Variants in GABRD observed in about 807,000 individuals in gnomAD.
The protein encoded by GABRD is gamma-aminobutyric acid receptor subunit delta.
Under a neutral mutation model 47.3 loss-of-function variants are expected in GABRD, and 25 were observed. The observed-to-expected ratio is 0.53, with a 90% CI of 0.39 to 0.74. GABRD has a LOEUF of 0.74. GABRD is among the 30% of genes least tolerant of loss of function. The probability of loss-of-function intolerance (pLI) is 0.00; values close to 1 mark genes in which losing one functional copy is unlikely to be tolerated. For missense variants in GABRD, 497 were observed against 643.4 expected (o/e 0.77, Z 2.46); for synonymous variants, 314 against 278.8 (o/e 1.13, Z -1.26).
intron 1 of GABRD, among the ~76,000 whole-genome samples, chr1:2,021,033 C>A (rs1048695990): frequency 1.3e-5 from 2 of 152,192 alleles, no homozygotes; most frequent in Non-Finnish European, 2.9e-5. Context: ...GGATTCTGTG[C>A]CTGTTTCCTT....
intron 4 of GABRD, 145 bp downstream of exon 4, chr1:2,025,883 C>A (rs563519166): frequency 4.3e-4 from 286 of 665,028 alleles, no homozygotes; most frequent in Non-Finnish European, 9.7e-5. Context: ...AGAAGCTGCG[C>A]GGTTATTTAT....
intron 2 of GABRD, 43 bp downstream of exon 2, chr1:2,025,097 C>CA: frequency 6.6e-7 from 1 of 1,525,734 alleles, no homozygotes; most frequent in Non-Finnish European, 9.0e-7. Flanking sequence ...CCGCTGGAGC[C>CA]CAGGCTAGGC....
At chr1:2,029,343 G>A in intron 7 of GABRD, 77 bp downstream of exon 7, 3 of 1,494,172 alleles carry the variant, frequency 2.0e-6, no homozygotes, top group East Asian at 2.5e-5. Flanking sequence ...CCTCGGCTGG[G>A]GGCTCAGCAC....
rs774122718 is a variant in GABRD at position 2,025,064 on chromosome 1, G to T, written c.181+10G>T. ...CGGCCTGGCATCGGAGGTGAGGGGC[G>T]GTCCAGGCCCGGCAGGCAGGAGCCG... On this transcript the variant is annotated intron_variant, in intron 2 of 8. Transcript: ENST00000378585. 1.2e-6 allele frequency: 2 copies of T among 1,603,662 alleles called. No individual in the cohort carries two copies. The highest frequency in any genetic ancestry group is 1.3e-5 in the African/African-American group (1 of 74,690).
At position 2,028,115 on chromosome 1, in the gene GABRD, G is replaced by T; in HGVS notation, c.554-40G>T. On this transcript the variant is annotated intron_variant, in intron 5 of 8. Transcript: ENST00000378585. The surrounding 1 kb of genome is among the most constrained non-coding windows in gnomAD (Gnocchi z 6.4). ...CGCTCCTGCCAGGGCTCCCGGGGCA[G>T]GGCCGGGCTCTGCCGCCCACCTGTG... 1.3e-6 allele frequency: 2 copies of T among 1,591,714 alleles called. No individual in the cohort carries two copies. The highest frequency in any genetic ancestry group is 1.7e-6 in the Non-Finnish European group (2 of 1,165,626).
chr1:2,030,196 G>GA lies in GABRD; in HGVS notation c.1274dup (p.Asp425GlufsTer4). 1 of 1,560,188 alleles carries GA rather than the reference G, an allele frequency of 6.4e-7. No individual in the cohort carries two copies. Among genetic ancestry groups the GA allele is most frequent in the Non-Finnish European group, 8.7e-7 (1 of 1,152,028 alleles). ...TGCCCGGCTCAGGCCCATCGACGCA[G>GA]ACACCATTGACATTTACGCCCGCGC... On this transcript the variant is annotated frameshift_variant, in exon 9 of 9. Transcript: ENST00000378585. LOFTEE classifies it high-confidence loss of function.
At chr1:2,025,856 C>T (rs918985978) in intron 4 of GABRD, 118 bp downstream of exon 4, 7 of 820,556 alleles carry the variant, frequency 8.5e-6, no homozygotes, top group Admixed American at 5.0e-5. Flanking sequence ...AGCTGGCGGG[C>T]GGGCGGAGGG....
Position 2,030,112 on chromosome 1 carries a change from G to A in GABRD, c.1189G>A (p.Glu397Lys). ...GGGCTCCTACAGGTCGGTGGGGGTG[G>A]AGACAGGGGAGACGAAGAAGGAGGG... ...LMGSYRSVGV[E>K]TGETKKEGAA... Residue 397 changes from glutamate to lysine, a missense_variant, in exon 9 of 9, where the codon GAG becomes AAG. By Grantham distance (56) the Glu-to-Lys change is moderately conservative. Around this residue, in one of 3 missense-constraint regions of GABRD, gnomAD observed 121 missense variants for 121.3 expected, o/e 1.00. Coordinates refer to ENST00000378585, the MANE Select transcript of GABRD (RefSeq NM_000815.5). 6.3e-7 allele frequency: 1 copy of A among 1,583,432 alleles called. No individual in the cohort carries two copies. The highest frequency in any genetic ancestry group is 1.1e-5 in the South Asian group (1 of 87,354).
Position 2,029,138 on chromosome 1 carries a change from A to G in GABRD, c.719A>G (p.His240Arg). The change falls in exon 7 of 9, where the codon CAC becomes CGC. Residue 240 changes from histidine to arginine, a missense_variant. Around this residue, in one of 3 missense-constraint regions of GABRD, gnomAD observed 285 missense variants for 436.6 expected, o/e 0.65. Coordinates refer to ENST00000378585, the MANE Select transcript of GABRD (RefSeq NM_000815.5). ...GGCCAGTTCCCACGGCTCAGCCTGC[A>G]CTTCCACCTGCGGAGGAACCGCGGC... ...SAGQFPRLSL[H>R]FHLRRNRGVY... The G allele has an allele frequency of 1.3e-6, 2 of 1,544,784 alleles. No individual in the cohort carries two copies. Among genetic ancestry groups the G allele is most frequent in the South Asian group, 2.4e-5 (2 of 84,094 alleles).
At chr1:2,020,471 CAG>C (rs1236248424) in intron 1 of GABRD, among the ~76,000 whole-genome samples, 3 of 152,210 alleles carry the variant, frequency 2.0e-5, no homozygotes, top group Non-Finnish European at 2.9e-5. Context: ...GGCGGTGTGT[CAG>C]AGTTTTCCCA....
chr1:2,028,947 C>G lies in GABRD; in HGVS notation c.692-164C>G. ...CTGTGGCCAGACCTAGGGCCGGAGGCCCCCTGACATTTCAGGCCATGTGGT... is the reference window on the plus strand; with the variant it reads ...CTGTGGCCAGACCTAGGGCCGGAGGGCCCCTGACATTTCAGGCCATGTGGT... On this transcript the variant is annotated intron_variant, in intron 6 of 8. Coordinates refer to ENST00000378585, the MANE Select transcript of GABRD (RefSeq NM_000815.5). This position sits in a 1 kb window ranked among gnomAD's most constrained non-coding sequence, Gnocchi z 6.4. 1 of 828,812 alleles carries G rather than the reference C, an allele frequency of 1.2e-6. No individual in the cohort carries two copies. Among genetic ancestry groups the G allele is most frequent in the Non-Finnish European group, 1.8e-6 (1 of 541,428 alleles). The allele number at this position is 828,812 out of a possible 1,614,324, so 51.3% of individuals were successfully genotyped here. A position where few individuals can be genotyped will look rare whatever the true frequency, so the allele number is the denominator to read the frequency against.
Position 2,025,045 on chromosome 1 carries a change from G to A in GABRD, c.172G>A (p.Gly58Ser). The part of the protein sequence containing the change: ...IAGYARNFRP[G>S]IGGPPVNVAL... ...CGGCTACGCCCGCAACTTCCGGCCTGGCATCGGAGGTGAGGGGCGGTCCAG... is the reference window on the plus strand; with the variant it reads ...CGGCTACGCCCGCAACTTCCGGCCTAGCATCGGAGGTGAGGGGCGGTCCAG... The change falls in exon 2 of 9, where the codon GGC (glycine) becomes AGC (serine). Residue 58 changes from glycine to serine, a missense_variant. This residue lies in a region of GABRD where 91 missense variants were observed against 85.5 expected (regional missense o/e 1.06). Coordinates refer to ENST00000378585, the MANE Select transcript of GABRD (RefSeq NM_000815.5). 1 of 1,612,198 alleles carries A rather than the reference G, an allele frequency of 6.2e-7. No individual in the cohort carries two copies. The highest frequency in any genetic ancestry group is 1.1e-5 in the South Asian group (1 of 91,064).
At position 2,021,614 on chromosome 1, in the gene GABRD, C is replaced by T. The variant is rs539614575; in HGVS notation, c.68+2123C>T. 2.0e-5 allele frequency among the ~76,000 whole-genome samples: 3 copies of T among 152,242 alleles called. No homozygotes were observed. The South Asian group carries it at 6.2e-4, about 32-fold the overall frequency. On this transcript the variant is annotated intron_variant, in intron 1 of 8. Coordinates refer to ENST00000378585, the MANE Select transcript of GABRD (RefSeq NM_000815.5). ...TGGGTCGGCCCGGAGTGTGAAGACC[C>T]GTGCACGCGGCAGGCACCGAGCTTG...
chr1:2,021,579 G>A (rs3128320), intron 1 of GABRD, among the ~76,000 whole-genome samples: 10,244 of 152,278 alleles, frequency 0.067, 498 homozygotes, highest in Middle Eastern at 0.17. Context: ...AGTGTGCTGC[G>A]TGGCGGCCGT....
In GABRD at chr1:2,028,817, T is replaced by G; in HGVS notation, c.692-294T>G. The G allele has an allele frequency of 2.1e-6, 1 of 465,666 alleles. No individual in the cohort carries two copies. The highest frequency in any genetic ancestry group is 3.8e-6 in the Non-Finnish European group (1 of 261,118). The allele number at this position is 465,666 out of a possible 1,614,324, so 28.8% of individuals were successfully genotyped here. On this transcript the variant is annotated intron_variant, in intron 6 of 8. Coordinates refer to ENST00000378585, the MANE Select transcript of GABRD (RefSeq NM_000815.5). This position sits in a 1 kb window ranked among gnomAD's most constrained non-coding sequence, Gnocchi z 6.4. Reference sequence around the variant, plus strand: ...GAGAGAAAGGGGTGAGCCCTCCCCATTGGTTGCGAGGGTCCCTCAGGGCCA... The same window carrying G: ...GAGAGAAAGGGGTGAGCCCTCCCCAGTGGTTGCGAGGGTCCCTCAGGGCCA...
intron 5 of GABRD, 22 bp downstream of exon 5, chr1:2,027,681 G>T: frequency 6.2e-7 from 1 of 1,606,026 alleles, no homozygotes; most frequent in South Asian, 1.1e-5. Context: ...TGCAAGGCGG[G>T]TAGGGGCTTC....
At chr1:2,025,796 G>T in intron 4 of GABRD, 58 bp downstream of exon 4, 3 of 1,503,540 alleles carry the variant, frequency 2.0e-6, no homozygotes, top group Non-Finnish European at 2.8e-6. Flanking sequence ...AAGCGTCGGC[G>T]CCTGGACGCT....
intron 8 of GABRD, 88 bp downstream of exon 8, chr1:2,029,850 C>G: frequency 6.6e-7 from 1 of 1,507,528 alleles, no homozygotes; most frequent in Non-Finnish European, 9.2e-7. Flanking sequence ...TGGGTCCCAG[C>G]TGTGCTCCCT....
rs944994247 is a variant in GABRD, at chr1:2,028,308, C to T, written c.691+16C>T. 2.9e-5 allele frequency: 47 copies of T among 1,601,414 alleles called. No individual in the cohort carries two copies. The highest frequency in any genetic ancestry group is 3.7e-4 in the Middle Eastern group (2 of 5,346). On this transcript the variant is annotated intron_variant, in intron 6 of 8. Transcript: ENST00000378585. This position sits in a 1 kb window ranked among gnomAD's most constrained non-coding sequence, Gnocchi z 6.4. ...TTCAAGTCCGGTAACATATGCCCGC[C>T]GCCCCTTCCGCATGTGCCCGCCGCC...
Sources: allele counts gnomAD v4.1 joint callset (sites outside exome capture counted in the v4.1 genomes callset), GRCh38; gene constraint gnomAD v4.1.1; regional missense constraint gnomAD v4.1.1; non-coding constraint Gnocchi (gnomAD v3.1); transcripts MANE v1.5; gene names NCBI Gene and HGNC (gene_info 2026-07-23, HGNC 2026-07-21).